The following SCARB2 variants were observed in gnomAD, a reference collection of about 807,000 sequenced individuals.
SCARB2 encodes the protein scavenger receptor class B member 2.
Under a neutral mutation model 58.6 loss-of-function variants are expected in SCARB2, and 29 were observed. That is an observed-to-expected ratio of 0.49 (90% CI 0.37 to 0.67). The LOEUF is 0.67. SCARB2 is among the 30% of genes least tolerant of loss of function. SCARB2 has a pLI of 0.00. For synonymous variants in SCARB2, 195 were observed against 210.1 expected, an observed-to-expected ratio of 0.93 and a Z score of 0.62; for missense variants, 488 against 578.5, an observed-to-expected ratio of 0.84 and a Z score of 1.60.
intron 1 of SCARB2, among the ~76,000 whole-genome samples, chr4:76,206,299 A>G (rs909655874): frequency 6.6e-6 from 1 of 152,162 alleles, no homozygotes; most frequent in Admixed American, 6.5e-5. Flanking sequence ...GCCTGAATGG[A>G]CTAAGACAGT....
intron 8 of SCARB2, 54 bp from the exon 9 acceptor site, chr4:76,168,530 AC>A: frequency 6.8e-7 from 1 of 1,465,292 alleles, no homozygotes; most frequent in East Asian, 2.3e-5. Flanking sequence ...ACTGCAAACA[AC>A]TTTTTCAATA....
chr4:76,185,949 T>C (rs533734828), intron 2 of SCARB2, among the ~76,000 whole-genome samples: 1 of 152,178 alleles, frequency 6.6e-6, no homozygotes, highest in Non-Finnish European at 1.5e-5. Context: ...GAGAATGAAA[T>C]CCACATAAAT....
intron 1 of SCARB2, among the ~76,000 whole-genome samples, chr4:76,220,099 C>G (rs1228961516): frequency 6.6e-6 from 1 of 152,114 alleles, no homozygotes; most frequent in Non-Finnish European, 1.5e-5. Context: ...AGATGCAAAT[C>G]ACAGTTCTTT....
intron 2 of SCARB2, among the ~76,000 whole-genome samples, chr4:76,188,914 C>A (rs1276797163): frequency 6.6e-6 from 1 of 152,194 alleles, no homozygotes; most frequent in Non-Finnish European, 1.5e-5. Context: ...CAAAGCCATT[C>A]ATTTTCAGGG....
chr4:76,219,455 C>T (rs535461017), intron 1 of SCARB2, among the ~76,000 whole-genome samples: 2 of 152,310 alleles, frequency 1.3e-5, no homozygotes, highest in Admixed American at 6.5e-5. Context: ...GTGGCAAAGC[C>T]AGCATATTGT....
chr4:76,219,583 G>T (rs1733272116), intron 1 of SCARB2, among the ~76,000 whole-genome samples: 1 of 152,154 alleles, frequency 6.6e-6, no homozygotes, highest in Admixed American at 6.5e-5. Context: ...GTATAAACGA[G>T]AAAGCCAGGT....
At chr4:76,218,339 T>C (rs1200139185), upstream of SCARB2, among the ~76,000 whole-genome samples, 2 of 152,154 alleles carry the variant, frequency 1.3e-5, no homozygotes, top group African/African-American at 2.4e-5. Context: ...TCCTCCCTCC[T>C]CCCCTACCCA....
At chr4:76,206,073 C>T (rs1732925423) in intron 1 of SCARB2, among the ~76,000 whole-genome samples, 1 of 152,038 alleles carries the variant, frequency 6.6e-6, no homozygotes, top group Admixed American at 6.5e-5. Flanking sequence ...AGCGTAGAAC[C>T]CTCTCGAATG....
intron 7 of SCARB2, chr4:76,173,080 A>C (rs1017884017): frequency 6.6e-6 from 1 of 152,210 alleles, no homozygotes; most frequent in Non-Finnish European, 1.5e-5. Context: ...ACTATCTAGT[A>C]AGTTCATTGT....
At chr4:76,174,486 T>A (rs996616320) in intron 6 of SCARB2, 173 bp from the exon 7 acceptor site, 1 of 636,594 alleles carries the variant, frequency 1.6e-6, no homozygotes, top group Non-Finnish European at 2.8e-6. Flanking sequence ...AAGCAGAAGA[T>A]GAATTGTAGT....
intron 4 of SCARB2, among the ~76,000 whole-genome samples, chr4:76,178,666 A>C (rs78269244): frequency 0.041 from 6,262 of 151,766 alleles, 182 homozygotes; most frequent in Non-Finnish European, 0.062. Context: ...CCTCTAGGGA[A>C]CTCCTGCCTG....
At chr4:76,189,258 T>C (rs1266709486) in intron 2 of SCARB2, among the ~76,000 whole-genome samples, 4 of 152,224 alleles carry the variant, frequency 2.6e-5, no homozygotes, top group Non-Finnish European at 5.9e-5. Context: ...ACTGTCATAA[T>C]GGATGCACAT....
chr4:76,229,045 T>G (rs917192121), intron 1 of SCARB2, among the ~76,000 whole-genome samples: 3 of 152,174 alleles, frequency 2.0e-5, no homozygotes, highest in African/African-American at 7.2e-5. Flanking sequence ...TTACTTTTTC[T>G]TTGTCTTTGT....
upstream of SCARB2, among the ~76,000 whole-genome samples, chr4:76,214,960 C>T (rs1212201936): frequency 6.6e-6 from 1 of 152,192 alleles, no homozygotes. Flanking sequence ...GATATATATA[C>T]AGTCCATGTA....
chr4:76,213,537 G>C lies in SCARB2; in HGVS notation c.7C>G (p.Arg3Gly). ...GTCCCCGCCGTGTAGAAGCAGCATCGGCCCATTCTGTGCGCCGCTCACGGG... is the reference window on the plus strand; with the variant it reads ...GTCCCCGCCGTGTAGAAGCAGCATCCGCCCATTCTGTGCGCCGCTCACGGG... MG[R>G]CCFYTAGTLS... The change falls in exon 1 of 12, where the codon CGA becomes GGA. Residue 3 changes from arginine to glycine, a missense_variant. Arg to Gly is a moderately radical substitution (Grantham distance 125, BLOSUM62 -2). Transcript: ENST00000264896. 1.2e-6 allele frequency: 2 copies of C among 1,608,316 alleles called. No homozygotes were observed. The highest frequency in any genetic ancestry group is 1.1e-5 in the South Asian group (1 of 90,098).
intron 2 of SCARB2, among the ~76,000 whole-genome samples, chr4:76,182,780 C>T (rs757120839): frequency 1.3e-5 from 2 of 152,170 alleles, no homozygotes; most frequent in Admixed American, 6.5e-5. Flanking sequence ...AAATGCGCCT[C>T]GGTGATGATG....
intron 2 of SCARB2, among the ~76,000 whole-genome samples, chr4:76,191,354 C>G (rs1425946704): frequency 6.6e-6 from 1 of 152,132 alleles, no homozygotes; most frequent in Non-Finnish European, 1.5e-5. Flanking sequence ...GTTTTGGTGT[C>G]CCCTCAAAAT....
intron 2 of SCARB2, chr4:76,192,450 T>A (rs1456672048): frequency 6.6e-6 from 1 of 152,118 alleles, no homozygotes; most frequent in African/African-American, 2.4e-5. Context: ...AACTTGAGAG[T>A]GATGATTTAG....
Position 76,165,247 on chromosome 4 carries a change from T to C in SCARB2, c.1239+1003A>G, listed in dbSNP as rs1731977300. 2.0e-5 allele frequency: 3 copies of C among 152,202 alleles called. No homozygotes were observed. The South Asian group carries it at 6.2e-4, about 31-fold the overall frequency. The allele number at this position is 152,202 out of a possible 1,614,324, so 9.4% of individuals were successfully genotyped here. On this transcript the variant is annotated intron_variant, in intron 10 of 11. Transcript: ENST00000264896. ...GTAAATATTGCTTGAATTTTTCCTA[T>C]GAAACGATAAAAACCTCATCTTAGA...
Sources: gnomAD v4.1 joint callset for allele counts (sites outside exome capture counted in the v4.1 genomes callset) on GRCh38, gnomAD v4.1.1 for gene constraint, MANE v1.5 for transcripts, NCBI Gene and HGNC (gene_info 2026-07-23, HGNC 2026-07-21) for gene names.